GLI2: variants seen among roughly 807,000 people sequenced by gnomAD.
GLI2 encodes transcription activator GLI2.
A neutral mutation model predicts 78.9 loss-of-function variants in GLI2; 22 were observed. The ratio of observed to expected loss-of-function variants is 0.28; its 90% CI spans 0.20 to 0.40. The LOEUF is 0.40. Ranked by LOEUF, GLI2 falls within the 10% of genes least tolerant of loss-of-function variation. The probability of loss-of-function intolerance (pLI) is 1.00; values close to 1 mark genes in which losing one functional copy is unlikely to be tolerated. For synonymous variants in GLI2, 974 were observed against 963.7 expected, an observed-to-expected ratio of 1.01 and a Z score of -0.20; for missense variants, 2,097 against 2,213.2, an observed-to-expected ratio of 0.95 and a Z score of 1.05.
At chr2:120,861,975 A>G (rs1573497440) in intron 2 of GLI2, among the ~76,000 whole-genome samples, 1 of 152,146 alleles carries the variant, frequency 6.6e-6, no homozygotes, top group East Asian at 1.9e-4. Flanking sequence ...TATACATCTG[A>G]GGGGTGAACC....
At chr2:120,888,628 T>G (rs1677531189) in intron 2 of GLI2, among the ~76,000 whole-genome samples, 1 of 151,852 alleles carries the variant, frequency 6.6e-6, no homozygotes, top group African/African-American at 2.4e-5. Flanking sequence ...GTGGGGAGAT[T>G]GTTGAGTTTT....
chr2:120,788,171 G>A (rs1158980652), intron 1 of GLI2, among the ~76,000 whole-genome samples: 3 of 152,236 alleles, frequency 2.0e-5, no homozygotes, highest in African/African-American at 4.8e-5. Flanking sequence ...TCCTGACAGA[G>A]CTGGGAGGTG....
intron 2 of GLI2, among the ~76,000 whole-genome samples, chr2:120,873,642 G>A (rs1472860747): frequency 2.6e-5 from 4 of 152,120 alleles, no homozygotes; most frequent in African/African-American, 9.7e-5. Flanking sequence ...GGATCCCCAG[G>A]GCTCTGCAGT....
At position 120,989,466 on chromosome 2, in the gene GLI2, G is replaced by T; in HGVS notation, c.3501G>T (p.Pro1167=). The T allele has an allele frequency of 3.7e-6, 6 of 1,613,108 alleles. No homozygotes were observed. Among genetic ancestry groups the T allele is most frequent in the Non-Finnish European group, 5.1e-6 (6 of 1,179,986 alleles). Residue 1167 remains proline (P), a synonymous_variant, in exon 14 of 14, where the codon CCG becomes CCT. Transcript: ENST00000361492. ...AGAAGCCTGCCTTTGGCCAGTACCC[G>T]GGCTACAGTCCGCAAGGCCTACAGG... ...VQQKPAFGQY[P]GYSPQGLQAS...
intron 1 of GLI2, among the ~76,000 whole-genome samples, chr2:120,793,590 T>C (rs1422400737): frequency 6.6e-6 from 1 of 152,206 alleles, no homozygotes; most frequent in Non-Finnish European, 1.5e-5. Flanking sequence ...ACACAGCCTC[T>C]TGGCTCTGTG....
intron 7 of GLI2, among the ~76,000 whole-genome samples, chr2:120,970,850 G>A (rs1227804304): frequency 1.3e-5 from 2 of 152,230 alleles, no homozygotes; most frequent in African/African-American, 2.4e-5. Flanking sequence ...GATGGAGAAA[G>A]CCTCGATTCC....
intron 1 of GLI2, among the ~76,000 whole-genome samples, chr2:120,750,721 C>T (rs1199860333): frequency 6.6e-6 from 1 of 152,242 alleles, no homozygotes; most frequent in Non-Finnish European, 1.5e-5. Context: ...TAGTTCCCAT[C>T]TTGCTGGGCC....
intron 2 of GLI2, among the ~76,000 whole-genome samples, chr2:120,875,268 T>C (rs1026252866): frequency 2.0e-5 from 3 of 152,224 alleles, no homozygotes; most frequent in Admixed American, 6.5e-5. Flanking sequence ...CTCTGGGTGC[T>C]AACAGGCACA....
chr2:120,891,991 C>G (rs1346128138), intron 2 of GLI2, among the ~76,000 whole-genome samples: 2 of 152,116 alleles, frequency 1.3e-5, no homozygotes, highest in African/African-American at 4.8e-5. Flanking sequence ...CCCACCCCAC[C>G]CTGCACCTTG....
intron 2 of GLI2, among the ~76,000 whole-genome samples, chr2:120,864,796 A>G (rs1688052746): frequency 6.6e-6 from 1 of 151,984 alleles, no homozygotes; most frequent in Non-Finnish European, 1.5e-5. Context: ...GGTCACTTGT[A>G]TGTCATGGAA....
chr2:120,944,158 G>A (rs1680594238), intron 3 of GLI2, among the ~76,000 whole-genome samples: 1 of 152,210 alleles, frequency 6.6e-6, no homozygotes, highest in African/African-American at 2.4e-5. Context: ...TGTGCAGAGT[G>A]CTCATTACCT....
intron 1 of GLI2, among the ~76,000 whole-genome samples, chr2:120,774,741 T>C (rs2104662153): frequency 6.6e-6 from 1 of 152,330 alleles, no homozygotes; most frequent in Admixed American, 6.5e-5. Context: ...GCCTGTGTGC[T>C]CCAGTTTGCC....
intron 2 of GLI2, among the ~76,000 whole-genome samples, chr2:120,899,179 C>A (rs1200908417): frequency 6.6e-6 from 1 of 152,064 alleles, no homozygotes; most frequent in Non-Finnish European, 1.5e-5. Flanking sequence ...TCATTGTGAG[C>A]CATTGTGAGC....
At chr2:120,954,711 A>T (rs2104962161) in intron 4 of GLI2, among the ~76,000 whole-genome samples, 1 of 152,202 alleles carries the variant, frequency 6.6e-6, no homozygotes, top group East Asian at 1.9e-4. Flanking sequence ...GGCAGGGCTG[A>T]CCTCAGGGTT....
rs79518474 is a variant in GLI2 at position 120,944,989 on chromosome 2, C to T, written c.255-6254C>T. On this transcript the variant is annotated intron_variant, in intron 3 of 13. Coordinates refer to ENST00000361492, the MANE Select transcript of GLI2 (RefSeq NM_001374353.1). ...TCTTCCTTACTTCCATTCTTTCTTA[C>T]TTCCCCTAACCACCATGCTGACCCT... is the stretch of plus-strand genomic sequence containing the variant. Among the ~76,000 whole-genome samples the T allele has an allele frequency of 1.0e-2, 1,522 of 152,334 alleles. 44 individuals carry two copies. Among genetic ancestry groups the T allele is most frequent in the East Asian group, 0.053 (276 of 5,178 alleles).
chr2:120,990,491 C>T lies in GLI2; in HGVS notation c.4526C>T (p.Ser1509Leu), dbSNP rs781561335. The T allele has an allele frequency of 2.0e-5, 33 of 1,613,810 alleles. No homozygotes were observed. In the Admixed American group the frequency reaches 2.3e-4, roughly 11 times the overall value. The change falls in exon 14 of 14, where the codon TCG becomes TTG. Residue 1509 changes from serine to leucine, a missense_variant. Coordinates refer to ENST00000361492, the MANE Select transcript of GLI2 (RefSeq NM_001374353.1). ...MDDGDHSSLF[S>L]GALSPSLLHS... Reference sequence around the variant, plus strand: ...GATGGCGATCACTCGAGTTTGTTCTCGGGTGCTCTGAGCCCCAGCCTCCTC... The same window carrying T: ...GATGGCGATCACTCGAGTTTGTTCTTGGGTGCTCTGAGCCCCAGCCTCCTC...
chr2:120,975,193 G>C (rs1682397172), intron 9 of GLI2, 84 bp downstream of exon 9: 4 of 1,349,560 alleles, frequency 3.0e-6, no homozygotes, highest in Non-Finnish European at 4.2e-6. Context: ...GCCTCTACTA[G>C]ACAGAAGGGG....
At chr2:120,912,335 T>C (rs1377785110) in intron 2 of GLI2, among the ~76,000 whole-genome samples, 1 of 151,454 alleles carries the variant, frequency 6.6e-6, no homozygotes, top group Non-Finnish European at 1.5e-5. Context: ...CCCTTTCTTC[T>C]ACAGTCTTAT....
intron 5 of GLI2, among the ~76,000 whole-genome samples, chr2:120,958,786 A>AG (rs1478707029): frequency 2.6e-5 from 4 of 152,116 alleles, no homozygotes; most frequent in Admixed American, 2.0e-4. Context: ...ACAAGAATCC[A>AG]GCCCCAGGCC....
Sources: allele counts gnomAD v4.1 joint callset (sites outside exome capture counted in the v4.1 genomes callset), GRCh38; gene constraint gnomAD v4.1.1; transcripts MANE v1.5; gene names NCBI Gene and HGNC (gene_info 2026-07-23, HGNC 2026-07-21).